The following SH3KBP1 variants were observed in gnomAD, a reference collection of about 807,000 sequenced individuals.
SH3KBP1 encodes SH3 domain containing kinase binding protein 1, also known as SH3 domain-containing kinase-binding protein 1.
Under a neutral mutation model 50.1 loss-of-function variants are expected in SH3KBP1, and 8 were observed. The observed-to-expected ratio is 0.16, with a 90% CI of 0.09 to 0.29. SH3KBP1 has a LOEUF of 0.29. Ranked by LOEUF, SH3KBP1 falls within the 10% of genes least tolerant of loss-of-function variation. SH3KBP1 has a pLI of 1.00. For synonymous variants in SH3KBP1, 227 were observed against 218.6 expected (o/e 1.04, Z -0.34); for missense variants, 377 against 535.2 (o/e 0.70, Z 2.92).
chrX:19,722,166 C>G (rs1341155128), intron 3 of SH3KBP1, among the ~76,000 whole-genome samples: 1 of 112,247 alleles, frequency 8.9e-6, no homozygotes, highest in Non-Finnish European at 1.9e-5. Context: ...TTCGCAAGTC[C>G]TGAACCACAA....
rs747648981 is a variant in SH3KBP1, at chrX:19,600,123, C to T, written c.1006-5123G>A. ...AAAAAAAAAAAAAAAAAAAAAAATGCAACAGGCCCAGCACTTTGGGAGACC... is the reference window on the plus strand; with the variant it reads ...AAAAAAAAAAAAAAAAAAAAAAATGTAACAGGCCCAGCACTTTGGGAGACC... On this transcript the variant is annotated intron_variant, in intron 9 of 17. Transcript: ENST00000397821. Among the ~76,000 whole-genome samples the T allele has an allele frequency of 5.2e-3, 476 of 90,672 alleles. 8 individuals carry two copies. Among genetic ancestry groups the T allele is most frequent in the Non-Finnish European group, 6.3e-3 (301 of 47,496 alleles). 78.7% of individuals were successfully genotyped at this position (90,672 alleles called of 115,157 possible).
chrX:19,688,243 C>T (rs1402186053), intron 5 of SH3KBP1, among the ~76,000 whole-genome samples: 2 of 112,001 alleles, frequency 1.8e-5, no homozygotes, highest in Admixed American at 1.9e-4. Context: ...CCCTCAGTAC[C>T]TTTAAGCAAG....
In SH3KBP1 at chrX:19,541,954, G is replaced by T. The variant is rs752570207; in HGVS notation, c.1863C>A (p.Ser621Arg). 1 of 1,210,553 alleles carries T rather than the reference G, an allele frequency of 8.3e-7. No individual in the cohort carries two copies. Among genetic ancestry groups the T allele is most frequent in the Non-Finnish European group, 1.1e-6 (1 of 894,950 alleles). The change falls in exon 16 of 18, where the codon AGC becomes AGA. Residue 621 changes from serine to arginine, a missense_variant. By Grantham distance (110) the Ser-to-Arg change is moderately radical. Transcript: ENST00000397821. ...GCTGGTCCTTCATGGTCTCGATGATGCTCCTCAGCTCGCGGACCTGTGTCC... is the reference window on the plus strand; with the variant it reads ...GCTGGTCCTTCATGGTCTCGATGATTCTCCTCAGCTCGCGGACCTGTGTCC... ...ELRTQVRELRSIIETMKDQQK... is the reference protein window; with the variant it reads ...ELRTQVRELRRIIETMKDQQK...
At chrX:19,839,745 G>A (rs187119876) in intron 1 of SH3KBP1, among the ~76,000 whole-genome samples, 1 of 112,302 alleles carries the variant, frequency 8.9e-6, no homozygotes, top group African/African-American at 3.2e-5. Context: ...TCTGGCCCCT[G>A]CCACTGAGGC....
intron 8 of SH3KBP1, among the ~76,000 whole-genome samples, chrX:19,624,338 T>C (rs893820738): frequency 9.0e-6 from 1 of 111,440 alleles, no homozygotes; most frequent in Non-Finnish European, 1.9e-5. Context: ...AGATGGGGGA[T>C]TACTGATGTC....
At chrX:19,754,303 T>C (rs931712392) in intron 2 of SH3KBP1, among the ~76,000 whole-genome samples, 1 of 111,961 alleles carries the variant, frequency 8.9e-6, no homozygotes, top group African/African-American at 3.3e-5. Flanking sequence ...TGCTTCCCGA[T>C]GTACAGTGTA....
intron 13 of SH3KBP1, among the ~76,000 whole-genome samples, chrX:19,563,089 C>T (rs1269324312): frequency 2.7e-5 from 3 of 111,534 alleles, no homozygotes; most frequent in Non-Finnish European, 5.7e-5. Context: ...TCGTGAAGAC[C>T]CTCATAACTA....
intron 3 of SH3KBP1, among the ~76,000 whole-genome samples, chrX:19,742,557 C>A (rs896068580): frequency 4.5e-5 from 5 of 110,434 alleles, no homozygotes; most frequent in African/African-American, 1.3e-4. Context: ...CATTTGAATG[C>A]GTTTTTTTTG....
chrX:19,766,712 C>T (rs1167812225), intron 2 of SH3KBP1, among the ~76,000 whole-genome samples: 6 of 108,388 alleles, frequency 5.5e-5, no homozygotes, highest in African/African-American at 2.0e-4. Flanking sequence ...ACCATGGTCT[C>T]GACCTCCTTA....
chrX:19,656,799 A>T (rs746977023), intron 6 of SH3KBP1, among the ~76,000 whole-genome samples: 1 of 112,265 alleles, frequency 8.9e-6, no homozygotes, highest in African/African-American at 3.2e-5. Flanking sequence ...TTAAAACACC[A>T]ATCAATCTAC....
chrX:19,742,895 A>C (rs2064812311), intron 3 of SH3KBP1, among the ~76,000 whole-genome samples: 1 of 112,116 alleles, frequency 8.9e-6, no homozygotes, highest in Non-Finnish European at 1.9e-5. Context: ...TCCATGCTGC[A>C]AGTTTAAATG....
intron 1 of SH3KBP1, among the ~76,000 whole-genome samples, chrX:19,884,639 C>T (rs1187355089): frequency 8.9e-6 from 1 of 112,753 alleles, no homozygotes; most frequent in African/African-American, 3.2e-5. Flanking sequence ...CAGCAGTCTA[C>T]CGCCAATACA....
chrX:19,865,865 A>G (rs1208860042), intron 1 of SH3KBP1, among the ~76,000 whole-genome samples: 1 of 112,095 alleles, frequency 8.9e-6, no homozygotes, highest in African/African-American at 3.2e-5. Flanking sequence ...GCAATCTCTT[A>G]GCCATTAGCA....
At position 19,536,474 on chromosome X, in the gene SH3KBP1, T is replaced by C. The variant is rs373915090; in HGVS notation, c.1957-16A>G. ...TCACTTCCATCTAGAAAGAGAAAAA[T>C]AAGAATGGAACAAAGTCATAATGAA... On this transcript the variant is annotated splice_polypyrimidine_tract_variant and intron_variant, in intron 17 of 17. Transcript: ENST00000397821. 36 of 1,083,762 alleles carry C rather than the reference T, an allele frequency of 3.3e-5. No individual in the cohort carries two copies. The African/African-American group carries it at 5.9e-4, about 18-fold the overall frequency. The allele number at this position is 1,083,762 out of a possible 1,213,427, so 89.3% of individuals were successfully genotyped here. A position where few individuals can be genotyped will look rare whatever the true frequency, so the allele number is the denominator to read the frequency against.
At chrX:19,554,387 T>C (rs1421905377) in intron 13 of SH3KBP1, among the ~76,000 whole-genome samples, 2 of 97,889 alleles carry the variant, frequency 2.0e-5, no homozygotes, top group Non-Finnish European at 4.0e-5. Context: ...ATATATATCA[T>C]ATTAAAATAT....
chrX:19,606,930 T>A (rs2067259549), intron 9 of SH3KBP1, among the ~76,000 whole-genome samples: 1 of 112,251 alleles, frequency 8.9e-6, no homozygotes, highest in Admixed American at 9.4e-5. Context: ...AAGCAAGCAA[T>A]CAAAAAGCTT....
intron 1 of SH3KBP1, among the ~76,000 whole-genome samples, chrX:19,842,046 G>C (rs1368116783): frequency 9.0e-6 from 1 of 111,069 alleles, no homozygotes; most frequent in East Asian, 2.8e-4. Context: ...AAACCAATCA[G>C]TGGCTGCCTA....
intron 12 of SH3KBP1, among the ~76,000 whole-genome samples, chrX:19,584,305 A>AT (rs2147944344): frequency 2.1e-5 from 2 of 94,109 alleles, no homozygotes; most frequent in Admixed American, 2.5e-4. Flanking sequence ...TTATATTTAT[A>AT]AATATGTATT....
chrX:19,678,803 T>C (rs1387273975), intron 6 of SH3KBP1, among the ~76,000 whole-genome samples: 1 of 111,253 alleles, frequency 9.0e-6, no homozygotes, highest in Non-Finnish European at 1.9e-5. Context: ...CACACTGCAG[T>C]TGGAATACTT....
Sources: gnomAD v4.1 joint callset for allele counts (sites outside exome capture counted in the v4.1 genomes callset) on GRCh38, gnomAD v4.1.1 for gene constraint, MANE v1.5 for transcripts, NCBI Gene and HGNC (gene_info 2026-07-23, HGNC 2026-07-21) for gene names.